The following SEMA5A variants were observed in gnomAD, a reference collection of about 807,000 sequenced individuals.
SEMA5A encodes the protein semaphorin-5A.
SEMA5A carries 55 observed loss-of-function variants against 135.5 expected under a neutral mutation model. The ratio of observed to expected loss-of-function variants is 0.41; its 90% CI spans 0.33 to 0.51. The LOEUF (loss-of-function observed/expected upper bound fraction) is 0.51, where lower values mean the gene tolerates loss of function less well. SEMA5A is among the 20% of genes least tolerant of loss of function. The pLI is 0.37. For missense variants in SEMA5A, 1,290 were observed against 1,419.9 expected (o/e 0.91, Z 1.47); for synonymous variants, 580 against 546.5 (o/e 1.06, Z -0.85).
chr5:9,142,289 A>G (rs966857778), intron 12 of SEMA5A, among the ~76,000 whole-genome samples: 1 of 152,198 alleles, frequency 6.6e-6, no homozygotes, highest in Non-Finnish European at 1.5e-5. Flanking sequence ...AGGCGCCAGC[A>G]AGAACAGAAC....
At chr5:9,197,738 G>A (rs867395009) in intron 9 of SEMA5A, among the ~76,000 whole-genome samples, 20 of 90,052 alleles carry the variant, frequency 2.2e-4, no homozygotes, top group Admixed American at 1.2e-3. Flanking sequence ...TTGTGTGTGT[G>A]TGTGTGTGTG....
chr5:9,180,035 T>A (rs1299268598), intron 11 of SEMA5A, among the ~76,000 whole-genome samples: 2 of 152,198 alleles, frequency 1.3e-5, no homozygotes, highest in Non-Finnish European at 2.9e-5. Flanking sequence ...CCATTCCAGG[T>A]GTTCCTGGGC....
intron 2 of SEMA5A, among the ~76,000 whole-genome samples, chr5:9,410,897 C>T (rs541745372): frequency 7.4e-5 from 11 of 149,622 alleles, no homozygotes; most frequent in South Asian, 2.1e-4. Flanking sequence ...ACATTCAAGC[C>T]GCCTACATTT....
intron 5 of SEMA5A, among the ~76,000 whole-genome samples, chr5:9,263,017 A>C (rs1277915050): frequency 6.6e-6 from 1 of 151,014 alleles, no homozygotes; most frequent in Non-Finnish European, 1.5e-5. Context: ...ATGATTTGGC[A>C]AGCTAAATCC....
chr5:9,246,388 C>A (rs1468897097), intron 5 of SEMA5A, among the ~76,000 whole-genome samples: 1 of 152,132 alleles, frequency 6.6e-6, no homozygotes, highest in Non-Finnish European at 1.5e-5. Context: ...TAATATTTCC[C>A]AAATGCATTT....
rs945788706 is a variant in SEMA5A at position 9,157,365 on chromosome 5, A to C, written c.1274-2670T>G. ...ATGTTGGCTCTGTATCTGCAACTCA[A>C]CCGTTAGGGACTGGAGACACCAGAA... On this transcript the variant is annotated intron_variant, in intron 11 of 22. Coordinates refer to ENST00000382496, the MANE Select transcript of SEMA5A (RefSeq NM_003966.3). Among the ~76,000 whole-genome samples the C allele has an allele frequency of 2.0e-5, 3 of 152,026 alleles. No individual in the cohort carries two copies. The South Asian group carries it at 6.2e-4, about 32-fold the overall frequency.
intron 16 of SEMA5A, among the ~76,000 whole-genome samples, chr5:9,076,418 G>T (rs560729584): frequency 1.3e-5 from 2 of 152,220 alleles, no homozygotes; most frequent in African/African-American, 2.4e-5. Context: ...GGAAGAAAGA[G>T]AGGAGGATGA....
At chr5:9,460,090 C>T (rs1035538191) in intron 1 of SEMA5A, among the ~76,000 whole-genome samples, 3 of 152,194 alleles carry the variant, frequency 2.0e-5, no homozygotes, top group Non-Finnish European at 2.9e-5. Context: ...GACAGTGCCA[C>T]ATCATCTACT....
chr5:9,314,043 A>G (rs1752282628), intron 5 of SEMA5A, among the ~76,000 whole-genome samples: 1 of 152,066 alleles, frequency 6.6e-6, no homozygotes, highest in Non-Finnish European at 1.5e-5. Flanking sequence ...TTCATTTCTC[A>G]TTGTCTCCAG....
intron 1 of SEMA5A, among the ~76,000 whole-genome samples, chr5:9,532,103 A>G (rs1191304369): frequency 6.6e-6 from 1 of 152,186 alleles, no homozygotes; most frequent in Non-Finnish European, 1.5e-5. Context: ...CACCAAATCC[A>G]TATCCCTTTC....
chr5:9,275,682 C>G (rs1317723324), intron 5 of SEMA5A, among the ~76,000 whole-genome samples: 1 of 152,146 alleles, frequency 6.6e-6, no homozygotes, highest in Non-Finnish European at 1.5e-5. Context: ...GTTCAACATA[C>G]ACAAATCAGT....
At chr5:9,143,573 C>A (rs1396618925) in intron 12 of SEMA5A, among the ~76,000 whole-genome samples, 1 of 152,150 alleles carries the variant, frequency 6.6e-6, no homozygotes, top group African/African-American at 2.4e-5. Flanking sequence ...CCTGAAAAAT[C>A]TGTTTTAAAA....
chr5:9,371,124 TTAAAA>T, intron 3 of SEMA5A, among the ~76,000 whole-genome samples: 1 of 152,108 alleles, frequency 6.6e-6, no homozygotes, highest in South Asian at 2.1e-4. Flanking sequence ...ACTCAAAGAC[TTAAAA>T]TAATAAAAAC....
In SEMA5A at chr5:9,469,048, G is replaced by A. The variant is rs139547854; in HGVS notation, c.-174-31196C>T. 6.5e-3 allele frequency among the ~76,000 whole-genome samples: 987 copies of A among 152,044 alleles called. 6 individuals carry two copies. Among genetic ancestry groups the A allele is most frequent in the Middle Eastern group, 0.01 (3 of 294 alleles). On this transcript the variant is annotated intron_variant, in intron 1 of 22. Coordinates refer to ENST00000382496, the MANE Select transcript of SEMA5A (RefSeq NM_003966.3). ...TTTTGAGATGAAGTCTCTCTCTGTC[G>A]CCCAGACTGGAGAGCAGTGGCACAA...
intron 8 of SEMA5A, among the ~76,000 whole-genome samples, chr5:9,210,780 A>G (rs766687552): frequency 7.2e-5 from 11 of 152,170 alleles, no homozygotes; most frequent in Non-Finnish European, 1.6e-4. Flanking sequence ...AATCTCCCTT[A>G]AGAGGTTGTA....
rs76583991 is a variant in SEMA5A, at chr5:9,215,946, G to A, written c.646+8728C>T. 3.0e-3 allele frequency among the ~76,000 whole-genome samples: 464 copies of A among 152,216 alleles called. 2 individuals are homozygous for A. The highest frequency in any genetic ancestry group is 5.2e-3 in the Admixed American group (80 of 15,278). On this transcript the variant is annotated intron_variant, in intron 8 of 22. Coordinates refer to ENST00000382496, the MANE Select transcript of SEMA5A (RefSeq NM_003966.3). Reference sequence around the variant, plus strand: ...GTCTAGATGAGCACTGTGGGGCTCAGAGAGATTTGCCCTTTAAACACAGGC... The same window carrying A: ...GTCTAGATGAGCACTGTGGGGCTCAAAGAGATTTGCCCTTTAAACACAGGC...
At chr5:9,498,496 C>T (rs1343338734) in intron 1 of SEMA5A, 1 of 152,038 alleles carries the variant, frequency 6.6e-6, no homozygotes, top group Admixed American at 6.6e-5. Flanking sequence ...TAAATTTAAG[C>T]TTGTTATCCT....
intron 1 of SEMA5A, among the ~76,000 whole-genome samples, chr5:9,493,460 C>T (rs1158025114): frequency 6.6e-6 from 1 of 151,858 alleles, no homozygotes; most frequent in Non-Finnish European, 1.5e-5. Context: ...AAGAATGATG[C>T]CCGGTAAAAT....
chr5:9,104,299 A>C (rs991990232), intron 16 of SEMA5A, among the ~76,000 whole-genome samples: 6 of 152,352 alleles, frequency 3.9e-5, no homozygotes, highest in African/African-American at 1.4e-4. Context: ...AGTGCAGTGC[A>C]TGGCATGTAG....
Sources: gnomAD v4.1 joint callset for allele counts (sites outside exome capture counted in the v4.1 genomes callset) on GRCh38, gnomAD v4.1.1 for gene constraint, MANE v1.5 for transcripts, NCBI Gene and HGNC (gene_info 2026-07-23, HGNC 2026-07-21) for gene names.